Variants in OVCH2 observed in about 807,000 individuals in gnomAD.
OVCH2 encodes ovochymase-2.
In OVCH2, 88 loss-of-function variants were observed where a neutral mutation model predicts 73.7. That is an observed-to-expected ratio of 1.19 (90% CI 1.01 to 1.43). The LOEUF (loss-of-function observed/expected upper bound fraction) is 1.43. Ranked by LOEUF, OVCH2 falls within the 40% of genes most tolerant of loss-of-function variation. The pLI is 0.00. For missense variants in OVCH2, 706 were observed against 674.5 expected (o/e 1.05, Z -0.52); for synonymous variants, 265 against 234.5 (o/e 1.13, Z -1.19).
the OVCH2 span, among the ~76,000 whole-genome samples, chr11:7,683,543 T>C: frequency 6.6e-6 from 1 of 152,346 alleles, no homozygotes; most frequent in African/African-American, 2.4e-5. Context: ...TGCAGTCTAA[T>C]TTCAATACAA....
At chr11:7,699,016 C>T (rs1856386139) in intron 7 of OVCH2, 2 of 447,684 alleles carry the variant, frequency 4.5e-6, no homozygotes, top group Non-Finnish European at 8.1e-6. Context: ...CTGGAGGTTT[C>T]ACAGAGGAAG....
Position 7,698,472 on chromosome 11 carries a change from A to G in OVCH2, c.925+278T>C, listed in dbSNP as rs541497407. ...GCAAGGTGTGTAGCTTACTGACCAC[A>G]TCGGCACTGCCTTGCCCTCTTTCCT... On this transcript the variant is annotated intron_variant, in intron 8 of 15. Transcript: ENST00000533663. 9.2e-5 allele frequency among the ~76,000 whole-genome samples: 14 copies of G among 152,312 alleles called. No homozygotes were observed. The South Asian group carries it at 1.9e-3, about 20-fold the overall frequency.
At chr11:7,694,317 A>G (rs1371004859) in intron 12 of OVCH2, among the ~76,000 whole-genome samples, 3 of 152,152 alleles carry the variant, frequency 2.0e-5, no homozygotes, top group Admixed American at 1.3e-4. Context: ...CAAATGTGGA[A>G]TAAACTCCAT....
chr11:7,702,716 A>T (rs1856467459), intron 3 of OVCH2, among the ~76,000 whole-genome samples: 1 of 152,216 alleles, frequency 6.6e-6, no homozygotes, highest in East Asian at 1.9e-4. Flanking sequence ...TGTGATTCCC[A>T]GTAAGTATGC....
At chr11:7,679,547 C>T in the OVCH2 span, among the ~76,000 whole-genome samples, 2 of 152,104 alleles carry the variant, frequency 1.3e-5, no homozygotes, top group African/African-American at 4.8e-5. Context: ...TTGGAAGTTC[C>T]TCCCTCATTC....
At chr11:7,704,753 A>G in intron 1 of OVCH2, 79 bp from the exon 2 acceptor site, 1 of 936,422 alleles carries the variant, frequency 1.1e-6, no homozygotes, top group South Asian at 1.5e-5. Context: ...TCACCCATGA[A>G]ACTGAGTCTG....
Position 7,704,549 on chromosome 11 carries a change from A to G in OVCH2, c.198+16T>C. 1 of 1,532,398 alleles carries G rather than the reference A, an allele frequency of 6.5e-7. No homozygotes were observed. The highest frequency in any genetic ancestry group is 9.0e-7 in the Non-Finnish European group (1 of 1,109,318). The allele number at this position is 1,532,398 out of a possible 1,614,324, so 94.9% of individuals were successfully genotyped here. A position where few individuals can be genotyped will look rare whatever the true frequency, so the allele number is the denominator to read the frequency against. On this transcript the variant is annotated intron_variant, in intron 2 of 15. Coordinates refer to ENST00000533663, the MANE Select transcript of OVCH2 (RefSeq NM_198185.7). ...TCTAGCACAGTTCTTGATGCATAGA[A>G]GTCCTTGAGACTCACCTGCCAGGGA...
At chr11:7,699,118 C>A (rs544220784) in intron 7 of OVCH2, 201 of 192,036 alleles carry the variant, frequency 1.0e-3, no homozygotes, top group African/African-American at 4.5e-3. Flanking sequence ...CAAACTTTAA[C>A]TGAGGGCTCA....
chr11:7,690,730 G>A (rs10769817), intron 14 of OVCH2, among the ~76,000 whole-genome samples: 4 of 151,892 alleles, frequency 2.6e-5, no homozygotes, highest in Admixed American at 6.6e-5. Context: ...TGCTTCAGCC[G>A]TCATCCTATA....
chr11:7,697,627 T>G (rs1489389634), intron 8 of OVCH2, among the ~76,000 whole-genome samples: 4 of 152,206 alleles, frequency 2.6e-5, no homozygotes, highest in Admixed American at 6.5e-5. Flanking sequence ...TCTCTTAGTC[T>G]CTCATGCTCA....
intron 12 of OVCH2, among the ~76,000 whole-genome samples, chr11:7,693,485 G>C (rs892440067): frequency 2.6e-5 from 4 of 152,064 alleles, no homozygotes; most frequent in Non-Finnish European, 4.4e-5. Flanking sequence ...TGAGAGCATC[G>C]CTTCACTGAT....
Position 7,695,554 on chromosome 11 carries a change from A to G in OVCH2, c.1282+16T>C, listed in dbSNP as rs751384337. 3 of 1,606,044 alleles carry G rather than the reference A, an allele frequency of 1.9e-6. No homozygotes were observed. The highest frequency in any genetic ancestry group is 3.3e-5 in the Admixed American group (2 of 59,778). On this transcript the variant is annotated intron_variant, in intron 11 of 15. Coordinates refer to ENST00000533663, the MANE Select transcript of OVCH2 (RefSeq NM_198185.7). ...GAAGGTGGAGATAGTATGTGATTAA[A>G]AGTAAATGGTTTTACCAGGAATGTA...
chr11:7,680,283 C>A, the OVCH2 span, among the ~76,000 whole-genome samples: 4 of 152,176 alleles, frequency 2.6e-5, no homozygotes, highest in African/African-American at 9.7e-5. Flanking sequence ...AATTAGAGGA[C>A]AGTCAGCCAG....
chr11:7,698,303 G>C (rs555716411), intron 8 of OVCH2, among the ~76,000 whole-genome samples: 3 of 152,190 alleles, frequency 2.0e-5, no homozygotes, highest in Non-Finnish European at 2.9e-5. Flanking sequence ...AAGTGTCTTA[G>C]AGACCATCTG....
At chr11:7,706,254 A>T in intron 1 of OVCH2, 53 bp downstream of exon 1, 1 of 1,501,442 alleles carries the variant, frequency 6.7e-7, no homozygotes, top group Non-Finnish European at 9.0e-7. Context: ...TGTGACGTCC[A>T]TTGCCAGCAA....
chr11:7,683,560 G>A, the OVCH2 span, among the ~76,000 whole-genome samples: 5 of 152,242 alleles, frequency 3.3e-5, no homozygotes, highest in African/African-American at 1.2e-4. Context: ...ACAATAGAAA[G>A]AGTGATCTTG....
Position 7,701,599 on chromosome 11 carries a change from T to G in OVCH2, c.559+117A>C. On this transcript the variant is annotated intron_variant, in intron 5 of 15. Transcript: ENST00000533663. ...TTTCTAAGTACAATGTGACATTCCCTATCTTTAGAAATGTATGCACAATCG... is the reference window on the plus strand; with the variant it reads ...TTTCTAAGTACAATGTGACATTCCCGATCTTTAGAAATGTATGCACAATCG... 3 of 1,464,622 alleles carry G rather than the reference T, an allele frequency of 2.0e-6. No individual in the cohort carries two copies. The South Asian group carries it at 3.9e-5, about 19-fold the overall frequency. 90.7% of individuals were successfully genotyped at this position (1,464,622 alleles called of 1,614,324 possible).
Position 7,695,682 on chromosome 11 carries a change from T to G in OVCH2, c.1170A>C (p.Ser390=). Reference sequence around the variant, plus strand: ...GAGAATTAGAGCCAATAAGAATGGATGAAGGGAGGCTTTCTCCACAAAATT... The same window carrying G: ...GAGAATTAGAGCCAATAAGAATGGAGGAAGGGAGGCTTTCTCCACAAAATT... ...IGKFCGESLP[S]SILIGSNSLR... is the part of the protein sequence containing the mutation. The change falls in exon 11 of 16, where the codon TCA becomes TCC. Residue 390 remains serine, a synonymous_variant. Transcript: ENST00000533663. 6.2e-7 allele frequency: 1 copy of G among 1,612,588 alleles called. No homozygotes were observed. Among genetic ancestry groups the G allele is most frequent in the Non-Finnish European group, 8.5e-7 (1 of 1,179,610 alleles).
rs986270993 is a variant in OVCH2, at chr11:7,695,014, C to A, written c.1413+44G>T. ...CCTCATGGTGCTTATGTTAGCTATT[C>A]TGTGAATTTACCATAGCTACGTAAG... On this transcript the variant is annotated intron_variant, in intron 12 of 15. Coordinates refer to ENST00000533663, the MANE Select transcript of OVCH2 (RefSeq NM_198185.7). 4.6e-6 allele frequency: 7 copies of A among 1,529,486 alleles called. No individual in the cohort carries two copies. The African/African-American group carries it at 5.6e-5, about 12-fold the overall frequency. The allele number at this position is 1,529,486 out of a possible 1,614,324, so 94.7% of individuals were successfully genotyped here. A position where few individuals can be genotyped will look rare whatever the true frequency, so the allele number is the denominator to read the frequency against.
Sources: gnomAD v4.1 joint callset for allele counts (sites outside exome capture counted in the v4.1 genomes callset) on GRCh38, gnomAD v4.1.1 for gene constraint, MANE v1.5 for transcripts, NCBI Gene and HGNC (gene_info 2026-07-23, HGNC 2026-07-21) for gene names.